Variants in PPL observed in about 807,000 individuals in gnomAD.
The protein encoded by PPL is periplakin.
Under a neutral mutation model 194.4 loss-of-function variants are expected in PPL, and 198 were observed. The observed-to-expected ratio is 1.02, with a 90% CI of 0.91 to 1.15. The LOEUF (loss-of-function observed/expected upper bound fraction) is 1.15, where lower values mean the gene tolerates loss of function less well. PPL is among the 50% of genes most tolerant of loss of function. PPL has a pLI of 0.00. For missense variants in PPL, 2,885 were observed against 2,294.8 expected, an observed-to-expected ratio of 1.26 and a Z score of -5.25; for synonymous variants, 1,220 against 972.4, an observed-to-expected ratio of 1.25 and a Z score of -4.74.
At position 4,910,832 on chromosome 16, in the gene PPL, G is replaced by A. The variant is rs548994566; in HGVS notation, c.162+18C>T. ...CAGCACGGGGCACCCAGGTGGGAGT[G>A]GGAGTGGGGGCACTCACACTCTGCA... On this transcript the variant is annotated intron_variant, in intron 2 of 21. Transcript: ENST00000345988. 6.8e-6 allele frequency: 11 copies of A among 1,606,294 alleles called. No individual in the cohort carries two copies. The highest frequency in any genetic ancestry group is 3.3e-5 in the Admixed American group (2 of 60,022).
intron 1 of PPL, among the ~76,000 whole-genome samples, chr16:4,931,517 G>A (rs1255206186): frequency 2.0e-5 from 3 of 152,200 alleles, no homozygotes; most frequent in East Asian, 1.9e-4. Flanking sequence ...CCCATCAGAA[G>A]CCGGGAGAAC....
intron 2 of PPL, among the ~76,000 whole-genome samples, chr16:4,909,529 C>T (rs1489415904): frequency 6.6e-6 from 1 of 150,522 alleles, no homozygotes; most frequent in East Asian, 1.9e-4. Context: ...CGGGTTCAAG[C>T]GATTCTCCTG....
rs763024504 is a variant in PPL at position 4,885,607 on chromosome 16, C to G, written c.3048G>C (p.Glu1016Asp). 6.2e-7 allele frequency: 1 copy of G among 1,612,492 alleles called. No homozygotes were observed. The highest frequency in any genetic ancestry group is 2.2e-5 in the East Asian group (1 of 44,712). ...QADEVLQLREELEALRRQKGA... is the reference protein window; with the variant it reads ...QADEVLQLREDLEALRRQKGA... ...CCTTCTGCCGCCTCAGTGCCTCCAG[C>G]TCCTCCCGCAGCTGCAAGACCTCAT... Residue 1016 changes from glutamate (E) to aspartate (D), a missense_variant, in exon 22 of 22, where the codon GAG becomes GAC. Physicochemically the swap from Glu to Asp is conservative, Grantham distance 45. Transcript: ENST00000345988. This position sits in a 1 kb window ranked among gnomAD's most constrained non-coding sequence, Gnocchi z 6.3.
rs145641114 is a variant in PPL at position 4,895,679 on chromosome 16, C to G, written c.1010G>C (p.Arg337Pro). 3 of 1,614,012 alleles carry G rather than the reference C, an allele frequency of 1.9e-6. No homozygotes were observed. The highest frequency in any genetic ancestry group is 2.5e-6 in the Non-Finnish European group (3 of 1,180,012). ...EDVKDAQELL[R>P]KVDSDLNQKY... is the part of the protein sequence containing the mutation. The stretch of plus-strand genomic sequence containing the variant: ...CTGGTTCAGGTCCGAGTCCACCTTG[C>G]GCAGCAGCTCCTGAGCGTCCTTCAC... Residue 337 changes from arginine (R) to proline (P), a missense_variant, in exon 10 of 22, where the codon CGC becomes CCC. Transcript: ENST00000345988.
intron 2 of PPL, among the ~76,000 whole-genome samples, chr16:4,906,070 T>A (rs562108135): frequency 6.6e-6 from 1 of 152,276 alleles, no homozygotes; most frequent in South Asian, 2.1e-4. Context: ...ATTGCACCAC[T>A]GCACTCCAGC....
In PPL at chr16:4,893,657, G is replaced by C; in HGVS notation, c.1395-19C>G. 4 of 1,559,982 alleles carry C rather than the reference G, an allele frequency of 2.6e-6. No individual in the cohort carries two copies. In the South Asian group the frequency reaches 3.5e-5, roughly 13 times the overall value. On this transcript the variant is annotated intron_variant, in intron 12 of 21. Transcript: ENST00000345988. The stretch of plus-strand genomic sequence containing the variant: ...GCCCAGGCTGTGAGGACAGAAATGA[G>C]CTGGGAACCTGGGCAGCCCACCACC...
intron 1 of PPL, among the ~76,000 whole-genome samples, chr16:4,935,177 G>C (rs2089280606): frequency 6.6e-6 from 1 of 152,212 alleles, no homozygotes; most frequent in Admixed American, 6.5e-5. Flanking sequence ...CAGCTATAAA[G>C]GATGGGATGC....
chr16:4,935,505 G>C (rs1274096822), intron 1 of PPL, among the ~76,000 whole-genome samples: 1 of 152,204 alleles, frequency 6.6e-6, no homozygotes, highest in Non-Finnish European at 1.5e-5. Flanking sequence ...TTGGGTCTGA[G>C]TGCCAGCTGG....
chr16:4,911,978 T>A (rs746601997), intron 1 of PPL, among the ~76,000 whole-genome samples: 9 of 152,220 alleles, frequency 5.9e-5, no homozygotes, highest in Non-Finnish European at 1.3e-4. Flanking sequence ...CTGGGACCAC[T>A]GGCACCACCA....
In PPL at chr16:4,910,921, T is replaced by C. The variant is rs1206621745; in HGVS notation, c.91A>G (p.Ile31Val). The C allele has an allele frequency of 1.9e-6, 3 of 1,613,272 alleles. No individual in the cohort carries two copies. The highest frequency in any genetic ancestry group is 2.7e-5 in the African/African-American group (2 of 74,922). Reference sequence around the variant, plus strand: ...TCGGCATTCTTCTGCAGCTGCTCGATCAGCTCCGAGAGCTCCTTGTTAGAG... The same window carrying C: ...TCGGCATTCTTCTGCAGCTGCTCGACCAGCTCCGAGAGCTCCTTGTTAGAG... ...SISNKELSEL[I>V]EQLQKNADQV... The change falls in exon 2 of 22, where the codon ATC becomes GTC. Residue 31 changes from isoleucine to valine, a missense_variant. Physicochemically the swap from Ile to Val is conservative, Grantham distance 29 (BLOSUM62 3). Coordinates refer to ENST00000345988, the MANE Select transcript of PPL (RefSeq NM_002705.5).
At chr16:4,910,556 G>C (rs1438614260) in intron 2 of PPL, among the ~76,000 whole-genome samples, 2 of 152,128 alleles carry the variant, frequency 1.3e-5, no homozygotes, top group African/African-American at 2.4e-5. Flanking sequence ...GTATCCGGGA[G>C]GTACTAGTAT....
rs749098678 is a variant in PPL at position 4,900,946 on chromosome 16, C to A, written c.564+18G>T. On this transcript the variant is annotated intron_variant, in intron 5 of 21. Transcript: ENST00000345988. ...CCCCTCCATCCCTGGGTCCCCACCACACCAGCACACGCCCCACCTTGTCCC... is the reference window on the plus strand; with the variant it reads ...CCCCTCCATCCCTGGGTCCCCACCAAACCAGCACACGCCCCACCTTGTCCC... 9 of 1,613,970 alleles carry A rather than the reference C, an allele frequency of 5.6e-6. No individual in the cohort carries two copies. The East Asian group carries it at 2.0e-4, about 36-fold the overall frequency.
At chr16:4,889,129 G>A (rs1468649242) in intron 18 of PPL, 68 bp from the exon 19 acceptor site, 5 of 1,210,774 alleles carry the variant, frequency 4.1e-6, no homozygotes, top group Admixed American at 3.4e-5. Context: ...CATGGATGCA[G>A]TAGCTGGAAA....
At position 4,901,043 on chromosome 16, in the gene PPL, T is replaced by G; in HGVS notation, c.485A>C (p.Asp162Ala). The change falls in exon 5 of 22, where the codon GAC (aspartate) becomes GCC (alanine). Residue 162 changes from aspartate (D) to alanine (A), a missense_variant. Transcript: ENST00000345988. ...GATGTTATGCTCCTCCACTTGGTGG[T>G]CCACCAGCGGCAGGTCAGTCCCAAA... is the stretch of plus-strand genomic sequence containing the variant. ...QSFGTDLPLV[D>A]HQVEEHNIFH... The G allele has an allele frequency of 6.2e-7, 1 of 1,614,132 alleles. No homozygotes were observed. The highest frequency in any genetic ancestry group is 8.5e-7 in the Non-Finnish European group (1 of 1,180,022).
Position 4,902,407 on chromosome 16 carries a change from A to G in PPL, c.437T>C (p.Leu146Pro), listed in dbSNP as rs771389243. 1.2e-6 allele frequency: 2 copies of G among 1,613,818 alleles called. No homozygotes were observed. Among genetic ancestry groups the G allele is most frequent in the Non-Finnish European group, 1.7e-6 (2 of 1,179,864 alleles). Residue 146 changes from leucine to proline, a missense_variant and splice_region_variant, in exon 4 of 22, where the codon CTG (leucine) becomes CCG (proline). Leu to Pro is a moderately conservative substitution (Grantham distance 98). Coordinates refer to ENST00000345988, the MANE Select transcript of PPL (RefSeq NM_002705.5). The surrounding 1 kb of genome is among the most constrained non-coding windows in gnomAD (Gnocchi z 4.0). ...CCAGCGGCCCCGTCCAGGCCATACC[A>G]GCTTCTCCTCCACCAGTGCCGCCCA... Reference protein sequence around the residue: ...VNWAALVEEKLDKLNNQSFGT... With the variant: ...VNWAALVEEKPDKLNNQSFGT...
At chr16:4,891,176 C>T (rs741770) in intron 16 of PPL, among the ~76,000 whole-genome samples, 7,602 of 152,288 alleles carry the variant, frequency 0.05, 655 homozygotes, top group African/African-American at 0.17. Context: ...TGCGCGAGAA[C>T]AGCCTGCCAC....
intron 12 of PPL, among the ~76,000 whole-genome samples, chr16:4,894,223 A>C (rs1275630715): frequency 6.6e-6 from 1 of 152,162 alleles, no homozygotes; most frequent in African/African-American, 2.4e-5. Flanking sequence ...GGGCCCTTAG[A>C]AACTGCTTAG....
intron 2 of PPL, among the ~76,000 whole-genome samples, chr16:4,906,045 C>T (rs1249036109): frequency 6.6e-6 from 1 of 152,100 alleles, no homozygotes; most frequent in Non-Finnish European, 1.5e-5. Flanking sequence ...GAGTTCAAGG[C>T]TGCAATGAGC....
chr16:4,898,037 C>G (rs1191574539), intron 8 of PPL, among the ~76,000 whole-genome samples: 2 of 152,190 alleles, frequency 1.3e-5, no homozygotes, highest in Admixed American at 1.3e-4. Context: ...GTGCCTTCGG[C>G]AAATCTGTAC....
Sources: allele counts gnomAD v4.1 joint callset (sites outside exome capture counted in the v4.1 genomes callset), GRCh38; gene constraint gnomAD v4.1.1; non-coding constraint Gnocchi (gnomAD v3.1); transcripts MANE v1.5; gene names NCBI Gene and HGNC (gene_info 2026-07-23, HGNC 2026-07-21).